Variants in ABTB2 observed in about 807,000 individuals in gnomAD.
ABTB2 encodes the protein ankyrin repeat and BTB domain containing 2, also known as ankyrin repeat and BTB/POZ domain-containing protein 2.
ABTB2 carries 56 observed loss-of-function variants against 104.1 expected under a neutral mutation model. The observed-to-expected ratio is 0.54, with a 90% CI of 0.43 to 0.67. The LOEUF is 0.67. Among genes scored for constraint, ABTB2 ranks in the 30% least tolerant of loss-of-function variants. The pLI, the probability that ABTB2 is intolerant of heterozygous loss-of-function variation, is 0.00. For missense variants in ABTB2, 1,279 were observed against 1,407.7 expected, an observed-to-expected ratio of 0.91 and a Z score of 1.46; for synonymous variants, 606 against 608.2, an observed-to-expected ratio of 1.00 and a Z score of 0.05.
At chr11:34,166,035 G>A (rs1054150799) in intron 7 of ABTB2, among the ~76,000 whole-genome samples, 1 of 152,342 alleles carries the variant, frequency 6.6e-6, no homozygotes, top group African/African-American at 2.4e-5. Flanking sequence ...CAGATGAGCC[G>A]GTCCTGGCTC....
chr11:34,320,945 G>A (rs1854993934), intron 1 of ABTB2, among the ~76,000 whole-genome samples: 1 of 152,246 alleles, frequency 6.6e-6, no homozygotes, highest in South Asian at 2.1e-4. Flanking sequence ...CACTTTGGGA[G>A]GCTGAGGTGG....
intron 1 of ABTB2, among the ~76,000 whole-genome samples, chr11:34,324,770 C>T (rs566679343): frequency 5.3e-4 from 81 of 152,320 alleles, no homozygotes; most frequent in South Asian, 1.2e-3. Context: ...TCCAGCTCTG[C>T]TACTTTTTAG....
intron 3 of ABTB2, 34 bp from the exon 4 acceptor site, chr11:34,173,341 GT>G: frequency 6.5e-7 from 1 of 1,549,268 alleles, no homozygotes; most frequent in Non-Finnish European, 8.7e-7. Flanking sequence ...CAGGCCTGGG[GT>G]GGGGTCCCTG....
At chr11:34,282,288 A>G (rs1446918339) in intron 1 of ABTB2, among the ~76,000 whole-genome samples, 1 of 152,176 alleles carries the variant, frequency 6.6e-6, no homozygotes, top group Non-Finnish European at 1.5e-5. Context: ...AGACCATTGT[A>G]ATATAGAACA....
intron 1 of ABTB2, among the ~76,000 whole-genome samples, chr11:34,298,376 A>G (rs913783531): frequency 5.3e-5 from 8 of 151,842 alleles, no homozygotes; most frequent in Admixed American, 5.2e-4. Context: ...AGTTATAGAA[A>G]GAAACCTGGG....
At chr11:34,255,523 C>CGCTCTGTT (rs1565152376) in intron 1 of ABTB2, among the ~76,000 whole-genome samples, 1 of 151,288 alleles carries the variant, frequency 6.6e-6, no homozygotes, top group African/African-American at 2.4e-5. Flanking sequence ...GACACAGTCT[C>CGCTCTGTT]GCTCTGTTGC....
intron 8 of ABTB2, 146 bp from the exon 9 acceptor site, chr11:34,164,967 C>T (rs1852778145): frequency 4.5e-6 from 5 of 1,105,448 alleles, no homozygotes; most frequent in Non-Finnish European, 5.0e-6. Flanking sequence ...ATTTGGTGGA[C>T]GAAGTGAAGG....
chr11:34,248,192 CA>C (rs1854010105), intron 1 of ABTB2, among the ~76,000 whole-genome samples: 1 of 149,930 alleles, frequency 6.7e-6, no homozygotes, highest in African/African-American at 2.5e-5. Flanking sequence ...CCTTTGGGCT[CA>C]AGTGATCCTC....
intron 1 of ABTB2, among the ~76,000 whole-genome samples, chr11:34,347,034 C>T (rs1207858107): frequency 6.6e-6 from 1 of 152,192 alleles, no homozygotes; most frequent in African/African-American, 2.4e-5. Context: ...CTTTGAGGTC[C>T]AGTTTAATGT....
chr11:34,291,604 TCCTG>T (rs1854565977), intron 1 of ABTB2, among the ~76,000 whole-genome samples: 1 of 152,194 alleles, frequency 6.6e-6, no homozygotes. Flanking sequence ...CAAGCAATTC[TCCTG>T]CCTCAGCCTC....
intron 1 of ABTB2, among the ~76,000 whole-genome samples, chr11:34,240,166 T>A (rs1446301253): frequency 6.6e-6 from 1 of 152,224 alleles, no homozygotes; most frequent in Non-Finnish European, 1.5e-5. Flanking sequence ...AAAAAGGTTG[T>A]GTGTGCATTC....
intron 1 of ABTB2, among the ~76,000 whole-genome samples, chr11:34,256,867 G>T (rs146874193): frequency 1.3e-5 from 2 of 152,134 alleles, no homozygotes; most frequent in South Asian, 4.1e-4. Flanking sequence ...CAAATTCTCC[G>T]TTTTGTGGAC....
At position 34,197,513 on chromosome 11, in the gene ABTB2, G is replaced by A. The variant is rs569626069; in HGVS notation, c.1056C>T (p.His352=). The A allele has an allele frequency of 3.6e-5, 57 of 1,582,094 alleles. No individual in the cohort carries two copies. The South Asian group carries it at 5.8e-4, about 16-fold the overall frequency. The change falls in exon 3 of 17, where the codon CAC becomes CAT. Residue 352 remains histidine, a synonymous_variant. Coordinates refer to ENST00000435224, the MANE Select transcript of ABTB2 (RefSeq NM_145804.3). ...ELSDLVSRAM[H]HMQGRHPLCP... ...ACAGGGGGTGACGCCCCTGCATGTG[G>A]TGCATGGCACGGGAGACCAAGTCAC...
At chr11:34,164,940 A>G in intron 8 of ABTB2, 119 bp from the exon 9 acceptor site, 1 of 1,239,944 alleles carries the variant, frequency 8.1e-7, no homozygotes, top group South Asian at 1.5e-5. Flanking sequence ...AAGTCAGTAA[A>G]CCCCACACTC....
chr11:34,318,079 G>A (rs1854961010), intron 1 of ABTB2, among the ~76,000 whole-genome samples: 1 of 151,810 alleles, frequency 6.6e-6, no homozygotes, highest in South Asian at 2.1e-4. Flanking sequence ...TAATTCTCCT[G>A]CCTCAGCCTC....
At chr11:34,316,372 C>T (rs946907236) in intron 1 of ABTB2, among the ~76,000 whole-genome samples, 9 of 152,220 alleles carry the variant, frequency 5.9e-5, no homozygotes, top group East Asian at 3.8e-4. Flanking sequence ...GGTTAGCACT[C>T]GCCTTTCAGC....
rs1854072791 is a variant in ABTB2 at position 34,252,955 on chromosome 11, C to T, written c.884-48265G>A. 6.6e-6 allele frequency among the ~76,000 whole-genome samples: 1 copy of T among 152,090 alleles called. No individual in the cohort carries two copies. Among genetic ancestry groups the T allele is most frequent in the Non-Finnish European group, 1.5e-5 (1 of 68,002 alleles). ...GGAGGAAGAGCTGCTTTGGCAGCTGCCCTTGGTGGAGAAACCTACGTGTGC... is the reference window on the plus strand; with the variant it reads ...GGAGGAAGAGCTGCTTTGGCAGCTGTCCTTGGTGGAGAAACCTACGTGTGC... On this transcript the variant is annotated intron_variant, in intron 1 of 16. Transcript: ENST00000435224. This position sits in a 1 kb window ranked among gnomAD's most constrained non-coding sequence, Gnocchi z 5.5.
intron 1 of ABTB2, among the ~76,000 whole-genome samples, chr11:34,283,471 C>A (rs1467493488): frequency 1.3e-5 from 2 of 152,168 alleles, no homozygotes; most frequent in Non-Finnish European, 2.9e-5. Context: ...CTACCTTGGC[C>A]TCCTAGAATT....
chr11:34,220,171 A>G (rs1428627070), intron 1 of ABTB2, among the ~76,000 whole-genome samples: 1 of 152,230 alleles, frequency 6.6e-6, no homozygotes, highest in Admixed American at 6.5e-5. Context: ...TGTCATTCCC[A>G]GCATCTTGGA....
Sources: gnomAD v4.1 joint callset for allele counts (sites outside exome capture counted in the v4.1 genomes callset) on GRCh38, gnomAD v4.1.1 for gene constraint, Gnocchi (gnomAD v3.1) non-coding constraint, MANE v1.5 for transcripts, NCBI Gene and HGNC (gene_info 2026-07-23, HGNC 2026-07-21) for gene names.